TNS1: variants seen among roughly 807,000 people sequenced by gnomAD.
TNS1 encodes tensin-1.
TNS1 carries 62 observed loss-of-function variants against 168.6 expected under a neutral mutation model. That is an observed-to-expected ratio of 0.37 (90% CI 0.30 to 0.45). The LOEUF is 0.45. TNS1 is among the 20% of genes least tolerant of loss of function. The pLI is 1.00. For synonymous variants in TNS1, 934 were observed against 933.2 expected (o/e 1.00, Z -0.02); for missense variants, 2,240 against 2,339.4 (o/e 0.96, Z 0.88).
intron 6 of TNS1, chr2:217,901,709 CCCT>C (rs1953001251): frequency 6.6e-6 from 1 of 152,226 alleles, no homozygotes; most frequent in Admixed American, 6.5e-5. Context: ...GAATAACTTA[CCCT>C]CAAGTCCCTG....
At chr2:217,964,702 T>G (rs978019385) in intron 3 of TNS1, among the ~76,000 whole-genome samples, 3 of 152,184 alleles carry the variant, frequency 2.0e-5, no homozygotes, top group Admixed American at 1.3e-4. Flanking sequence ...TCCAACCACA[T>G]GTGACCCACG....
chr2:217,902,325 C>A (rs1044790286), intron 6 of TNS1, among the ~76,000 whole-genome samples: 1 of 152,188 alleles, frequency 6.6e-6, no homozygotes, highest in East Asian at 1.9e-4. Flanking sequence ...GTTGCTGATC[C>A]GTAGCCACTT....
chr2:217,896,300 C>T (rs1408483870), intron 8 of TNS1, among the ~76,000 whole-genome samples: 1 of 152,222 alleles, frequency 6.6e-6, no homozygotes, highest in Non-Finnish European at 1.5e-5. Context: ...AACGTCATGT[C>T]CACCCAGAAC....
chr2:217,885,295 A>G (rs1951090638), intron 15 of TNS1, 131 bp from the exon 16 acceptor site: 18 of 1,272,460 alleles, frequency 1.4e-5, no homozygotes, highest in Middle Eastern at 2.7e-4. Context: ...AGAGCTCATC[A>G]ACACCAAACA....
rs367659671 is a variant in TNS1, at chr2:217,895,220, C to T, written c.544-164G>A. Among the ~76,000 whole-genome samples, 6 of 152,226 alleles carry T rather than the reference C, an allele frequency of 3.9e-5. No homozygotes were observed. In the East Asian group the frequency reaches 5.8e-4, roughly 15 times the overall value. On this transcript the variant is annotated intron_variant, in intron 8 of 32. Coordinates refer to ENST00000682258, the MANE Select transcript of TNS1 (RefSeq NM_001387777.1). ...CCAGCAGAGCGTCAATGTCCTCTCA[C>T]GGCCAGGGGCCTGGCCACGGAACAG... is the stretch of plus-strand genomic sequence containing the variant.
chr2:217,911,757 C>T (rs1470212073), intron 4 of TNS1, among the ~76,000 whole-genome samples: 7 of 152,182 alleles, frequency 4.6e-5, no homozygotes, highest in Non-Finnish European at 1.0e-4. Flanking sequence ...TCCTCACCTC[C>T]CCATCATGCT....
At chr2:217,978,031 C>A (rs1286707928) in intron 3 of TNS1, among the ~76,000 whole-genome samples, 1 of 152,126 alleles carries the variant, frequency 6.6e-6, no homozygotes, top group African/African-American at 2.4e-5. Flanking sequence ...GCCAATCCCC[C>A]ACCCCCTGTT....
upstream of TNS1, among the ~76,000 whole-genome samples, chr2:218,011,454 G>C (rs1026375921): frequency 6.6e-6 from 1 of 152,166 alleles, no homozygotes; most frequent in African/African-American, 2.4e-5. Context: ...AAGAGGGGCG[G>C]AGGAGCTGCC....
chr2:217,939,863 G>T (rs1956821460), intron 3 of TNS1, among the ~76,000 whole-genome samples: 1 of 152,246 alleles, frequency 6.6e-6, no homozygotes, highest in African/African-American at 2.4e-5. Flanking sequence ...TCCCCTTGAG[G>T]GAAGTTGAGG....
rs77931866 is a variant in TNS1, at chr2:217,821,806, G to T, written c.3506C>A (p.Thr1169Asn). The T allele has an allele frequency of 1.9e-3, 2,977 of 1,550,888 alleles. 51 individuals are homozygous for T. In the African/African-American group the frequency reaches 0.036, roughly 19 times the overall value. ...GGGGGAGACAAAGGAGCCACCCAGG[G>T]TCCCGTTCCTCAGGGGTATCTCATG... ...YGHEIPLRNG[T>N]LGGSFVSPSP... is the part of the protein sequence containing the mutation. The change falls in exon 23 of 33, where the codon ACC becomes AAC. Residue 1169 changes from threonine to asparagine, a missense_variant. Thr to Asn is a moderately conservative substitution (Grantham distance 65). Around this residue, in one of 2 missense-constraint regions of TNS1, gnomAD observed 2,131 missense variants for 2,171.2 expected, o/e 0.98. Transcript: ENST00000682258.
chr2:217,829,789 T>A (rs55694913), intron 22 of TNS1: 114 of 1,609,076 alleles, frequency 7.1e-5, no homozygotes, highest in Middle Eastern at 1.7e-4. Flanking sequence ...AAGCCCTGCT[T>A]TGAAAAGCCA....
intron 18 of TNS1, among the ~76,000 whole-genome samples, chr2:217,876,345 G>A (rs956771277): frequency 1.3e-5 from 2 of 152,168 alleles, no homozygotes; most frequent in African/African-American, 4.8e-5. Context: ...TCTGGGCACG[G>A]GGCATCAGAA....
chr2:217,939,518 C>T (rs1475659602), intron 3 of TNS1, among the ~76,000 whole-genome samples: 1 of 152,246 alleles, frequency 6.6e-6, no homozygotes, highest in East Asian at 1.9e-4. Flanking sequence ...TCACAGAACG[C>T]TGTGGGGTCC....
chr2:217,890,999 C>T lies in TNS1; in HGVS notation c.829G>A (p.Asp277Asn). 5 of 1,614,208 alleles carry T rather than the reference C, an allele frequency of 3.1e-6. No homozygotes were observed. Among genetic ancestry groups the T allele is most frequent in the Non-Finnish European group, 4.2e-6 (5 of 1,180,046 alleles). The change falls in exon 12 of 33, where the codon GAT becomes AAT. Residue 277 changes from aspartate to asparagine, a missense_variant. By Grantham distance (23) the Asp-to-Asn change is conservative (BLOSUM62 1). Transcript: ENST00000682258. ...GGCTGGCCAATGGGCACAATCTTAT[C>T]CTCATAGAACCGCTTCATTGCAAAC... The part of the protein sequence containing the change: ...DRFAMKRFYE[D>N]KIVPIGQPSQ...
chr2:217,987,355 C>T (rs2126074431), intron 2 of TNS1, among the ~76,000 whole-genome samples: 1 of 152,350 alleles, frequency 6.6e-6, no homozygotes, highest in East Asian at 1.9e-4. Context: ...TTTGCCTGTA[C>T]ATCTATGACG....
At chr2:217,941,548 C>T (rs995713561) in intron 3 of TNS1, among the ~76,000 whole-genome samples, 2 of 152,332 alleles carry the variant, frequency 1.3e-5, no homozygotes, top group South Asian at 4.1e-4. Flanking sequence ...GGGGCCCCTG[C>T]GAGTGGTCTG....
At chr2:217,964,134 A>G (rs1957566876) in intron 3 of TNS1, among the ~76,000 whole-genome samples, 1 of 152,222 alleles carries the variant, frequency 6.6e-6, no homozygotes, top group Non-Finnish European at 1.5e-5. Context: ...AAGCCAGTTT[A>G]CACTCACTTC....
At chr2:217,934,888 TC>T (rs1956521494) in intron 3 of TNS1, among the ~76,000 whole-genome samples, 2 of 152,196 alleles carry the variant, frequency 1.3e-5, no homozygotes, top group African/African-American at 4.8e-5. Context: ...TTCAGAAAGA[TC>T]CATGCACTTA....
intron 19 of TNS1, among the ~76,000 whole-genome samples, chr2:217,840,390 A>T (rs922640158): frequency 6.6e-6 from 1 of 152,244 alleles, no homozygotes; most frequent in African/African-American, 2.4e-5. Flanking sequence ...ACCCCAGTGA[A>T]GCATCCACAA....
Sources: allele counts gnomAD v4.1 joint callset (sites outside exome capture counted in the v4.1 genomes callset), GRCh38; gene constraint gnomAD v4.1.1; regional missense constraint gnomAD v4.1.1; transcripts MANE v1.5; gene names NCBI Gene and HGNC (gene_info 2026-07-23, HGNC 2026-07-21).